Variants in SCGB2B2 observed in about 807,000 individuals in gnomAD.
SCGB2B2 encodes the protein secretoglobin-like protein.
In SCGB2B2, 11 loss-of-function variants were observed where a neutral mutation model predicts 7.6. The ratio of observed to expected loss-of-function variants is 1.45; its 90% CI spans 0.91 to 2.40. The LOEUF is 2.40. SCGB2B2 is among the 30% of genes most tolerant of loss of function. SCGB2B2 has a pLI of 0.00. For missense variants in SCGB2B2, 104 were observed against 115.4 expected (o/e 0.90, Z 0.45); for synonymous variants, 50 against 48.6 (o/e 1.03, Z -0.12).
rs186140267 is a variant in SCGB2B2 at position 34,629,006 on chromosome 19, C to G, written c.-2031-32412G>C. ...ACGTAATCTATCATATAAACAGAACCAAAGACAAAAACCACATGATTATCT... is the reference window on the plus strand; with the variant it reads ...ACGTAATCTATCATATAAACAGAACGAAAGACAAAAACCACATGATTATCT... On this transcript the variant is annotated intron_variant, in intron 1 of 3. Coordinates refer to ENST00000601241, the MANE Select transcript of SCGB2B2 (RefSeq NM_001025591.4). 5.5e-3 allele frequency among the ~76,000 whole-genome samples: 843 copies of G among 151,896 alleles called. 24 individuals are homozygous for G. The highest frequency in any genetic ancestry group is 0.017 in the Middle Eastern group (5 of 294).
chr19:34,651,860 A>C (rs2067169022), intron 1 of SCGB2B2, among the ~76,000 whole-genome samples: 1 of 151,422 alleles, frequency 6.6e-6, no homozygotes, highest in Admixed American at 6.6e-5. Flanking sequence ...AAAGCATGGC[A>C]TAACTTGACT....
chr19:34,664,256 AG>A (rs536007006), intron 1 of SCGB2B2, among the ~76,000 whole-genome samples: 311 of 152,344 alleles, frequency 2.0e-3, no homozygotes, highest in Middle Eastern at 6.8e-3. Flanking sequence ...AGAGAACGAC[AG>A]GGCTCAATAA....
At chr19:34,633,724 AAC>A (rs2066599224) in intron 1 of SCGB2B2, among the ~76,000 whole-genome samples, 1 of 152,132 alleles carries the variant, frequency 6.6e-6, no homozygotes. Context: ...CACATTAGAT[AAC>A]ACTTAATACA....
chr19:34,598,728 C>T lies in SCGB2B2; in HGVS notation c.-2031-2134G>A, dbSNP rs796701828. Reference sequence around the variant, plus strand: ...AGGAATCACTTCCTTGTGACAGGTCCGTGCCCTGGCCTCTCTGTGGCTGAG... The same window carrying T: ...AGGAATCACTTCCTTGTGACAGGTCTGTGCCCTGGCCTCTCTGTGGCTGAG... On this transcript the variant is annotated intron_variant, in intron 1 of 3. Coordinates refer to ENST00000601241, the MANE Select transcript of SCGB2B2 (RefSeq NM_001025591.4). 1.1e-4 allele frequency among the ~76,000 whole-genome samples: 16 copies of T among 150,838 alleles called. 1 individual carries two copies. Among genetic ancestry groups the T allele is most frequent in the South Asian group, 6.5e-4 (3 of 4,606 alleles).
chr19:34,618,702 C>G (rs2066158778), intron 1 of SCGB2B2, among the ~76,000 whole-genome samples: 1 of 152,208 alleles, frequency 6.6e-6, no homozygotes, highest in Non-Finnish European at 1.5e-5. Context: ...CTTACACACC[C>G]TGCATGTGAA....
intron 1 of SCGB2B2, among the ~76,000 whole-genome samples, chr19:34,669,896 G>A (rs1313141820): frequency 2.0e-5 from 3 of 152,186 alleles, no homozygotes; most frequent in Non-Finnish European, 4.4e-5. Flanking sequence ...CAGGAGGCAG[G>A]AGCAAGGGGA....
In SCGB2B2 at chr19:34,658,817, A is replaced by ACAACAACAAC. The variant is rs59493943; in HGVS notation, c.-2032+16812_-2032+16813insGTTGTTGTTG. Among the ~76,000 whole-genome samples the ACAACAACAAC allele has an allele frequency of 3.1e-5, 4 of 129,252 alleles. No homozygotes were observed. The South Asian group carries it at 7.9e-4, about 25-fold the overall frequency. 84.8% of individuals were successfully genotyped at this position (129,252 alleles called of 152,430 possible). A position where few individuals can be genotyped will look rare whatever the true frequency, so the allele number is the denominator to read the frequency against. On this transcript the variant is annotated intron_variant, in intron 1 of 3. Coordinates refer to ENST00000601241, the MANE Select transcript of SCGB2B2 (RefSeq NM_001025591.4). Reference sequence around the variant, plus strand: ...CAACAACAACAACAACAACAACAAAAAAAAAAAAAAAAAAAAAAGAGAGAG... The same window carrying ACAACAACAAC: ...CAACAACAACAACAACAACAACAAAACAACAACAACAAAAAAAAAAAAAAAAAAGAGAGAG...
At chr19:34,645,731 G>C in intron 1 of SCGB2B2, 1 of 397,846 alleles carries the variant, frequency 2.5e-6, no homozygotes, top group Admixed American at 2.7e-5. Context: ...GGGTGAGAAA[G>C]AAGCGGGCAG....
At chr19:34,618,337 A>G (rs1264429140) in intron 1 of SCGB2B2, among the ~76,000 whole-genome samples, 2 of 152,096 alleles carry the variant, frequency 1.3e-5, no homozygotes, top group African/African-American at 4.8e-5. Flanking sequence ...ACCCTTTACA[A>G]TTTTCTGTTG....
chr19:34,617,324 A>C (rs966618287), intron 1 of SCGB2B2, among the ~76,000 whole-genome samples: 5 of 151,350 alleles, frequency 3.3e-5, no homozygotes, highest in African/African-American at 1.2e-4. Flanking sequence ...TGAGCATGGA[A>C]TGTTCTTCCA....
chr19:34,631,065 G>A (rs2066517451), intron 1 of SCGB2B2, among the ~76,000 whole-genome samples: 1 of 139,756 alleles, frequency 7.2e-6, no homozygotes, highest in East Asian at 2.1e-4. Flanking sequence ...ATTGAACAAT[G>A]AGAACACGTG....
At chr19:34,672,064 C>T (rs1177624376) in intron 1 of SCGB2B2, among the ~76,000 whole-genome samples, 6 of 151,932 alleles carry the variant, frequency 3.9e-5, no homozygotes, top group Non-Finnish European at 8.8e-5. Flanking sequence ...CTGCTTGAGC[C>T]CAGGAGTTCA....
chr19:34,658,358 C>T (rs1369396054), intron 1 of SCGB2B2, among the ~76,000 whole-genome samples: 1 of 151,726 alleles, frequency 6.6e-6, no homozygotes, highest in African/African-American at 2.4e-5. Context: ...GCTAGCAAGA[C>T]TAATAAACAA....
chr19:34,623,909 T>C (rs1337513007), intron 1 of SCGB2B2, among the ~76,000 whole-genome samples: 2 of 152,144 alleles, frequency 1.3e-5, no homozygotes, highest in African/African-American at 4.8e-5. Context: ...AGCCTAGAAT[T>C]TGTCTCTCAA....
chr19:34,641,400 T>A (rs1462216968), intron 1 of SCGB2B2, among the ~76,000 whole-genome samples: 1 of 152,208 alleles, frequency 6.6e-6, no homozygotes, highest in Non-Finnish European at 1.5e-5. Context: ...GTAAGTCTAA[T>A]ACAATGGTGA....
chr19:34,613,787 TTGAG>T (rs1429349233), intron 1 of SCGB2B2, among the ~76,000 whole-genome samples: 1 of 152,218 alleles, frequency 6.6e-6, no homozygotes, highest in African/African-American at 2.4e-5. Context: ...TAGTACTTCT[TTGAG>T]TATTTCTTTT....
chr19:34,662,344 C>G (rs2067481234), intron 1 of SCGB2B2, among the ~76,000 whole-genome samples: 1 of 152,010 alleles, frequency 6.6e-6, no homozygotes, highest in Non-Finnish European at 1.5e-5. Flanking sequence ...AAGTCCATTC[C>G]ATGTACTTTA....
intron 1 of SCGB2B2, among the ~76,000 whole-genome samples, chr19:34,663,032 A>G (rs1457128871): frequency 6.6e-6 from 1 of 152,266 alleles, no homozygotes; most frequent in Non-Finnish European, 1.5e-5. Context: ...ACATATGAAG[A>G]GGCCTCAACC....
chr19:34,603,546 T>C (rs955715807), intron 1 of SCGB2B2, among the ~76,000 whole-genome samples: 1 of 152,146 alleles, frequency 6.6e-6, no homozygotes, highest in African/African-American at 2.4e-5. Flanking sequence ...AAATGCAGCA[T>C]TTCTCATTGA....
Sources: allele counts gnomAD v4.1 joint callset (sites outside exome capture counted in the v4.1 genomes callset), GRCh38; gene constraint gnomAD v4.1.1; transcripts MANE v1.5; gene names NCBI Gene and HGNC (gene_info 2026-07-23, HGNC 2026-07-21).